Variants in SLC4A10 observed in about 807,000 individuals in gnomAD.
SLC4A10 encodes solute carrier family 4 member 10.
In SLC4A10, 42 loss-of-function variants were observed where a neutral mutation model predicts 137.7. The ratio of observed to expected loss-of-function variants is 0.30; its 90% confidence interval spans 0.24 to 0.39. The LOEUF (loss-of-function observed/expected upper bound fraction) is 0.39, where lower values mean the gene tolerates loss of function less well. Ranked by LOEUF, SLC4A10 falls within the 10% of genes least tolerant of loss-of-function variation. The pLI, the probability that SLC4A10 is intolerant of heterozygous loss-of-function variation, is 1.00. For missense variants in SLC4A10, 925 were observed against 1,355.0 expected (o/e 0.68, Z 4.98); for synonymous variants, 474 against 464.1 (o/e 1.02, Z -0.27).
chr2:161,648,703 T>C (rs1574090245), intron 1 of SLC4A10, among the ~76,000 whole-genome samples: 1 of 152,330 alleles, frequency 6.6e-6, no homozygotes, highest in Admixed American at 6.5e-5. Context: ...ATACATAACA[T>C]TGAGGGTGTA....
Position 161,905,725 on chromosome 2 carries a change from A to G in SLC4A10, c.1835A>G (p.Asp612Gly). 1 of 1,613,980 alleles carries G rather than the reference A, an allele frequency of 6.2e-7. No individual in the cohort carries two copies. Among genetic ancestry groups the G allele is most frequent in the Non-Finnish European group, 8.5e-7 (1 of 1,179,884 alleles). ...ATLCIILVAT[D>G]ASSLVCYITR... Reference sequence around the variant, plus strand: ...CTATGTATCATACTTGTGGCCACAGATGCTAGTTCCCTTGTCTGCTACATC... The same window carrying G: ...CTATGTATCATACTTGTGGCCACAGGTGCTAGTTCCCTTGTCTGCTACATC... Residue 612 changes from aspartate to glycine, a missense_variant, in exon 15 of 27, where the codon GAT becomes GGT. By Grantham distance (94) the Asp-to-Gly change is moderately conservative (BLOSUM62 -1). Coordinates refer to ENST00000446997, the MANE Select transcript of SLC4A10 (RefSeq NM_001178015.2).
At chr2:161,811,182 T>A (rs562684495) in intron 3 of SLC4A10, among the ~76,000 whole-genome samples, 1 of 152,168 alleles carries the variant, frequency 6.6e-6, no homozygotes, top group South Asian at 2.1e-4. Flanking sequence ...AGTCTCTGAA[T>A]ATCTTTTGTA....
At chr2:161,927,763 A>G (rs2105579103) in intron 15 of SLC4A10, among the ~76,000 whole-genome samples, 1 of 152,364 alleles carries the variant, frequency 6.6e-6, no homozygotes, top group East Asian at 1.9e-4. Flanking sequence ...CAAAAAACAC[A>G]TGAAAAAATG....
At chr2:161,719,142 G>A (rs1016335553) in intron 1 of SLC4A10, among the ~76,000 whole-genome samples, 5 of 151,994 alleles carry the variant, frequency 3.3e-5, no homozygotes, top group Non-Finnish European at 5.9e-5. Flanking sequence ...CTATGAGTGA[G>A]AACGTGCAGT....
chr2:161,887,818 A>G (rs974479755), intron 10 of SLC4A10, among the ~76,000 whole-genome samples: 2 of 151,924 alleles, frequency 1.3e-5, no homozygotes, highest in Non-Finnish European at 2.9e-5. Context: ...ATTAGCTCCC[A>G]TTTGTCAGTT....
chr2:161,767,176 ATATG>A (rs57518759), intron 1 of SLC4A10, among the ~76,000 whole-genome samples: 4,422 of 30,364 alleles, frequency 0.15, 257 homozygotes, highest in East Asian at 0.28. Context: ...TTATTTATAT[ATATG>A]TGTGTGTGTG....
At chr2:161,797,637 T>A (rs73971362) in intron 2 of SLC4A10, among the ~76,000 whole-genome samples, 4,422 of 130,672 alleles carry the variant, frequency 0.034, 221 homozygotes, top group African/African-American at 0.11. Context: ...TCTCAAGTCA[T>A]TTTTTTTATA....
chr2:161,835,459 AT>A (rs1302085959), intron 3 of SLC4A10, among the ~76,000 whole-genome samples: 7 of 152,306 alleles, frequency 4.6e-5, no homozygotes, highest in African/African-American at 1.7e-4. Context: ...CCACCAGTAG[AT>A]TATGTAAGCT....
chr2:161,933,317 T>C (rs886626014), intron 15 of SLC4A10, among the ~76,000 whole-genome samples: 1 of 150,640 alleles, frequency 6.6e-6, no homozygotes, highest in Admixed American at 6.7e-5. Context: ...TCTTTATTTC[T>C]CTCTCTTTTC....
intron 10 of SLC4A10, among the ~76,000 whole-genome samples, chr2:161,884,537 A>G (rs1307039856): frequency 4.6e-5 from 7 of 152,210 alleles, no homozygotes; most frequent in Non-Finnish European, 1.0e-4. Flanking sequence ...TTCTTTGATT[A>G]GTGAGAGCTA....
At chr2:161,934,584 T>C (rs1691229691) in intron 15 of SLC4A10, among the ~76,000 whole-genome samples, 1 of 152,162 alleles carries the variant, frequency 6.6e-6, no homozygotes. Context: ...AATACTTAGG[T>C]TGCTTCGAAA....
chr2:161,866,720 A>G (rs1248798370), intron 6 of SLC4A10, among the ~76,000 whole-genome samples: 1 of 152,104 alleles, frequency 6.6e-6, no homozygotes, highest in East Asian at 1.9e-4. Context: ...AAGATTTTCT[A>G]AAACTAAAAA....
intron 1 of SLC4A10, among the ~76,000 whole-genome samples, chr2:161,703,246 T>C (rs755189648): frequency 6.6e-6 from 1 of 151,674 alleles, no homozygotes; most frequent in Non-Finnish European, 1.5e-5. Context: ...CTGTTATTTA[T>C]AATATTGAAA....
intron 21 of SLC4A10, among the ~76,000 whole-genome samples, chr2:161,962,318 T>C (rs139463594): frequency 7.9e-4 from 121 of 152,264 alleles, no homozygotes; most frequent in African/African-American, 2.7e-3. Flanking sequence ...AAATGTGCCA[T>C]TTAAACAATA....
chr2:161,725,722 AC>A (rs779395175), intron 1 of SLC4A10, among the ~76,000 whole-genome samples: 14 of 152,204 alleles, frequency 9.2e-5, no homozygotes, highest in Non-Finnish European at 1.8e-4. Context: ...GGGATTTATA[AC>A]CTTTGAAATC....
At position 161,742,419 on chromosome 2, in the gene SLC4A10, T is replaced by TTTTC. The variant is rs201458465; in HGVS notation, c.49-28534_49-28531dup. Among the ~76,000 whole-genome samples the TTTTC allele has an allele frequency of 5.8e-4, 81 of 140,544 alleles. 1 individual carries two copies. Among genetic ancestry groups the TTTTC allele is most frequent in the South Asian group, 2.4e-3 (11 of 4,570 alleles). 92.2% of individuals were successfully genotyped at this position (140,544 alleles called of 152,430 possible). On this transcript the variant is annotated intron_variant, in intron 1 of 26. Transcript: ENST00000446997. ...GCATACGGTTCTCCTTTCTTTTTTC[T>TTTTC]TTTCTTTCTTTCTTTCTTTCTTTTT...
intron 1 of SLC4A10, among the ~76,000 whole-genome samples, chr2:161,713,195 A>G (rs994397220): frequency 2.0e-5 from 3 of 151,852 alleles, no homozygotes. Context: ...GTTTGTTGGG[A>G]CCAGATAAGT....
intron 3 of SLC4A10, among the ~76,000 whole-genome samples, chr2:161,812,492 C>A (rs1333576858): frequency 6.6e-6 from 1 of 151,582 alleles, no homozygotes; most frequent in African/African-American, 2.4e-5. Flanking sequence ...AGAGTATAGT[C>A]AATTTTACAA....
intron 2 of SLC4A10, among the ~76,000 whole-genome samples, chr2:161,800,063 G>T (rs1575027231): frequency 6.6e-6 from 1 of 152,058 alleles, no homozygotes. Context: ...CTGGGATTTT[G>T]TTCTCTTTTG....
Sources: allele counts gnomAD v4.1 joint callset (sites outside exome capture counted in the v4.1 genomes callset), GRCh38; gene constraint gnomAD v4.1.1; transcripts MANE v1.5; gene names NCBI Gene and HGNC (gene_info 2026-07-23, HGNC 2026-07-21).